Variants in NAALADL2 observed in about 807,000 individuals in gnomAD.
The protein encoded by NAALADL2 is inactive N-acetylated-alpha-linked acidic dipeptidase-like protein 2.
In NAALADL2, 76 loss-of-function variants were observed where a neutral mutation model predicts 87.2. The observed-to-expected ratio is 0.87, with a 90% CI of 0.72 to 1.05. The LOEUF is 1.05. Among genes scored for constraint, NAALADL2 ranks in the 50% least tolerant of loss-of-function variants. NAALADL2 has a pLI of 0.00. For missense variants in NAALADL2, 1,089 were observed against 945.8 expected, an observed-to-expected ratio of 1.15 and a Z score of -1.99; for synonymous variants, 354 against 331.0, an observed-to-expected ratio of 1.07 and a Z score of -0.75.
At chr3:175,734,876 C>T (rs1275881742) in intron 11 of NAALADL2, among the ~76,000 whole-genome samples, 1 of 152,200 alleles carries the variant, frequency 6.6e-6, no homozygotes, top group Non-Finnish European at 1.5e-5. Flanking sequence ...ACATTTTCCC[C>T]ATTGTCTTGA....
chr3:174,497,161 C>A (rs1229340898), intron 1 of NAALADL2, among the ~76,000 whole-genome samples: 1 of 151,928 alleles, frequency 6.6e-6, no homozygotes, highest in African/African-American at 2.4e-5. Context: ...AGAATCATTT[C>A]TTTTTTTTAT....
At chr3:174,478,486 A>G (rs1577991942) in intron 1 of NAALADL2, among the ~76,000 whole-genome samples, 1 of 152,108 alleles carries the variant, frequency 6.6e-6, no homozygotes, top group East Asian at 1.9e-4. Context: ...AGTCAGTATT[A>G]GAAATCAGAT....
intron 5 of NAALADL2, among the ~76,000 whole-genome samples, chr3:175,400,918 T>G (rs1560493720): frequency 6.6e-6 from 1 of 152,154 alleles, no homozygotes; most frequent in Non-Finnish European, 1.5e-5. Flanking sequence ...ATTTCAATGC[T>G]GGACTCATCT....
chr3:175,117,859 C>T (rs1208714162), intron 2 of NAALADL2, among the ~76,000 whole-genome samples: 2 of 152,080 alleles, frequency 1.3e-5, no homozygotes, highest in African/African-American at 4.8e-5. Context: ...AGACTTGGAA[C>T]CAACCCAAAT....
At chr3:174,958,454 C>G (rs1741473806) in intron 1 of NAALADL2, among the ~76,000 whole-genome samples, 1 of 151,902 alleles carries the variant, frequency 6.6e-6, no homozygotes, top group Admixed American at 6.6e-5. Flanking sequence ...CCCAGAGAGT[C>G]CAGTGTTTGT....
intron 2 of NAALADL2, among the ~76,000 whole-genome samples, chr3:174,632,617 C>T (rs533028506): frequency 1.3e-5 from 2 of 152,088 alleles, no homozygotes; most frequent in South Asian, 4.2e-4. Context: ...AGAACAATAA[C>T]ATTTAATGCT....
At chr3:175,316,582 C>A (rs1316691136) in intron 4 of NAALADL2, among the ~76,000 whole-genome samples, 1 of 152,184 alleles carries the variant, frequency 6.6e-6, no homozygotes, top group Non-Finnish European at 1.5e-5. Context: ...CTTAAGCTAT[C>A]TCAAACCCTA....
intron 4 of NAALADL2, among the ~76,000 whole-genome samples, chr3:175,292,393 A>G (rs1296859873): frequency 6.6e-6 from 1 of 152,166 alleles, no homozygotes; most frequent in East Asian, 1.9e-4. Context: ...ATATAACTGC[A>G]CTTTGAATGA....
chr3:174,496,542 G>T (rs921225325), intron 1 of NAALADL2, among the ~76,000 whole-genome samples: 2 of 148,320 alleles, frequency 1.3e-5, no homozygotes, highest in Non-Finnish European at 3.0e-5. Flanking sequence ...GTAAGAATTG[G>T]ATAAAGAGAA....
At chr3:175,367,263 C>G (rs961746262) in intron 5 of NAALADL2, among the ~76,000 whole-genome samples, 1 of 151,722 alleles carries the variant, frequency 6.6e-6, no homozygotes, top group African/African-American at 2.4e-5. Flanking sequence ...GTTACTGTAG[C>G]CTTGTAGTAT....
intron 2 of NAALADL2, among the ~76,000 whole-genome samples, chr3:175,192,720 T>C (rs891034400): frequency 3.3e-5 from 5 of 152,072 alleles, no homozygotes; most frequent in Admixed American, 2.6e-4. Context: ...GCCAAATATA[T>C]CTAGAAACCA....
intron 1 of NAALADL2, among the ~76,000 whole-genome samples, chr3:174,949,121 T>C (rs948169807): frequency 6.6e-6 from 1 of 152,162 alleles, no homozygotes; most frequent in Non-Finnish European, 1.5e-5. Flanking sequence ...TCCCACCCTC[T>C]TGACCTAGTC....
intron 4 of NAALADL2, among the ~76,000 whole-genome samples, chr3:175,297,043 C>T (rs966448466): frequency 6.6e-6 from 1 of 152,142 alleles, no homozygotes; most frequent in African/African-American, 2.4e-5. Context: ...CTGACTCACA[C>T]ACAGCTTGTT....
chr3:175,759,862 T>G (rs1319961098), intron 13 of NAALADL2, among the ~76,000 whole-genome samples: 1 of 152,088 alleles, frequency 6.6e-6, no homozygotes, highest in Non-Finnish European at 1.5e-5. Context: ...GTAGGTAAGA[T>G]CAAGTTGTGG....
chr3:175,131,053 C>T (rs1727760087), intron 2 of NAALADL2, among the ~76,000 whole-genome samples: 1 of 151,910 alleles, frequency 6.6e-6, no homozygotes. Context: ...TATATCTTTC[C>T]ATTTATTTGT....
intron 1 of NAALADL2, among the ~76,000 whole-genome samples, chr3:174,548,806 A>G (rs1711732780): frequency 6.6e-6 from 1 of 152,154 alleles, no homozygotes; most frequent in South Asian, 2.1e-4. Context: ...CACGACTATG[A>G]ACTGTCATAT....
chr3:175,326,403 A>C (rs1581432758), intron 5 of NAALADL2, among the ~76,000 whole-genome samples: 1 of 152,176 alleles, frequency 6.6e-6, no homozygotes, highest in East Asian at 1.9e-4. Context: ...TGCTGTTAAT[A>C]ATCCTAGATT....
At chr3:174,920,302 A>G (rs1178478147) in intron 1 of NAALADL2, among the ~76,000 whole-genome samples, 3 of 152,218 alleles carry the variant, frequency 2.0e-5, no homozygotes, top group African/African-American at 7.2e-5. Context: ...GTCTCCATTG[A>G]CAATCTGTTT....
intron 4 of NAALADL2, among the ~76,000 whole-genome samples, chr3:175,301,112 G>T (rs1757032000): frequency 6.6e-6 from 1 of 152,062 alleles, no homozygotes; most frequent in South Asian, 2.1e-4. Flanking sequence ...GTTTTGCTCT[G>T]ATCTTAGTTA....
Sources: gnomAD v4.1 joint callset for allele counts (sites outside exome capture counted in the v4.1 genomes callset) on GRCh38, gnomAD v4.1.1 for gene constraint, MANE v1.5 for transcripts, NCBI Gene and HGNC (gene_info 2026-07-23, HGNC 2026-07-21) for gene names.